The following TBC1D1 variants were observed in gnomAD, a reference collection of about 807,000 sequenced individuals.
TBC1D1 encodes the protein TBC1 (tre-2/USP6, BUB2, cdc16) domain family, member 1.
TBC1D1 carries 89 observed loss-of-function variants against 125.6 expected under a neutral mutation model. The ratio of observed to expected loss-of-function variants is 0.71; its 90% confidence interval spans 0.60 to 0.85. The LOEUF is 0.85. Ranked by LOEUF, TBC1D1 falls within the 40% of genes least tolerant of loss-of-function variation. The probability of loss-of-function intolerance (pLI) is 0.00; values close to 1 mark genes in which losing one functional copy is unlikely to be tolerated. For synonymous variants in TBC1D1, 565 were observed against 564.1 expected, an observed-to-expected ratio of 1.00 and a Z score of -0.02; for missense variants, 1,377 against 1,469.2, an observed-to-expected ratio of 0.94 and a Z score of 1.03.
chr4:38,135,869 T>TAC (rs1275745802), intron 19 of TBC1D1, among the ~76,000 whole-genome samples: 1 of 148,098 alleles, frequency 6.8e-6, no homozygotes, highest in East Asian at 1.9e-4. Context: ...TGTGTGTATA[T>TAC]ATATGTGTGT....
intron 4 of TBC1D1, among the ~76,000 whole-genome samples, chr4:38,019,075 A>G (rs1193031625): frequency 6.6e-6 from 1 of 152,094 alleles, no homozygotes; most frequent in East Asian, 1.9e-4. Context: ...GGTGTTTCAT[A>G]GAGGGATTTT....
chr4:38,028,047 T>C (rs565603468), intron 7 of TBC1D1, among the ~76,000 whole-genome samples, 168 bp downstream of exon 7: 148 of 151,980 alleles, frequency 9.7e-4, no homozygotes, highest in African/African-American at 3.2e-3. Context: ...CTGGGCCACA[T>C]TGGAAGAAGA....
At chr4:38,083,335 G>T (rs1245032817) in intron 12 of TBC1D1, among the ~76,000 whole-genome samples, 3 of 152,154 alleles carry the variant, frequency 2.0e-5, no homozygotes, top group Non-Finnish European at 4.4e-5. Flanking sequence ...ATATTCAGGC[G>T]CATACTATCT....
rs1262383558 is a variant in TBC1D1 at position 38,052,747 on chromosome 4, CACACACACACACACACAG to C, written c.1911-1451_1911-1434del. Among the ~76,000 whole-genome samples, 680 of 149,808 alleles carry C rather than the reference CACACACACACACACACAG, an allele frequency of 4.5e-3. 6 individuals are homozygous for C. The highest frequency in any genetic ancestry group is 0.016 in the African/African-American group (649 of 39,854). ...GCGCGCGCACACACACACACACACA[CACACACACACACACACAG>C]GATAACATCTGTGTTTGATCATGTA... On this transcript the variant is annotated intron_variant, in intron 11 of 19. Transcript: ENST00000261439.
chr4:38,071,828 G>C (rs1430397830), intron 12 of TBC1D1, among the ~76,000 whole-genome samples: 1 of 152,216 alleles, frequency 6.6e-6, no homozygotes, highest in Non-Finnish European at 1.5e-5. Context: ...AGCCTTTTAT[G>C]TTAGAAAAGG....
At chr4:38,008,245 T>TCCTTA (rs1740756664) in intron 2 of TBC1D1, among the ~76,000 whole-genome samples, 1 of 152,272 alleles carries the variant, frequency 6.6e-6, no homozygotes, top group Admixed American at 6.5e-5. Context: ...TAATTTCGTA[T>TCCTTA]CCTTACAGTG....
chr4:38,005,486 C>T (rs527676132), intron 2 of TBC1D1, among the ~76,000 whole-genome samples: 1 of 152,238 alleles, frequency 6.6e-6, no homozygotes, highest in African/African-American at 2.4e-5. Context: ...GTTTTCCTTC[C>T]CTGGTGTTTA....
intron 2 of TBC1D1, among the ~76,000 whole-genome samples, chr4:37,985,471 A>T (rs1331736159): frequency 6.6e-6 from 1 of 152,176 alleles, no homozygotes; most frequent in Non-Finnish European, 1.5e-5. Context: ...TTATAATGGG[A>T]TTAGACTCAC....
intron 14 of TBC1D1, among the ~76,000 whole-genome samples, chr4:38,101,373 C>A (rs1260921176): frequency 6.6e-6 from 1 of 152,214 alleles, no homozygotes; most frequent in Non-Finnish European, 1.5e-5. Flanking sequence ...TGCTCTCCCC[C>A]TTTCCACCTT....
At chr4:37,994,715 T>C (rs969504844) in intron 2 of TBC1D1, among the ~76,000 whole-genome samples, 2 of 152,184 alleles carry the variant, frequency 1.3e-5, no homozygotes, top group African/African-American at 4.8e-5. Flanking sequence ...AAACTTGCCG[T>C]GTGACCTGAT....
intron 15 of TBC1D1, 123 bp downstream of exon 17, chr4:38,103,280 G>C: frequency 1.0e-6 from 1 of 994,120 alleles, no homozygotes; most frequent in Non-Finnish European, 1.5e-6. Context: ...TTACTACTGA[G>C]ACTTTTAATT....
chr4:38,024,560 T>A (rs1164432142), intron 6 of TBC1D1, among the ~76,000 whole-genome samples: 1 of 152,200 alleles, frequency 6.6e-6, no homozygotes, highest in Admixed American at 6.5e-5. Context: ...TCTACTAACA[T>A]GAGAACATTC....
intron 12 of TBC1D1, 124 bp downstream of exon 14, chr4:38,054,462 C>T: frequency 7.9e-7 from 1 of 1,258,042 alleles, no homozygotes; most frequent in Admixed American, 2.2e-5. Context: ...CTGAGGCAAT[C>T]ACAAAGGTAA....
At chr4:38,084,672 C>A (rs536454405) in intron 12 of TBC1D1, among the ~76,000 whole-genome samples, 2 of 151,628 alleles carry the variant, frequency 1.3e-5, no homozygotes, top group East Asian at 3.9e-4. Flanking sequence ...TTTCCAGAAT[C>A]GATTTATGTT....
intron 2 of TBC1D1, among the ~76,000 whole-genome samples, chr4:38,011,405 A>G (rs13132184): frequency 0.16 from 24,483 of 152,016 alleles, 2,511 homozygotes; most frequent in East Asian, 0.44. Flanking sequence ...CCCCAGGTCC[A>G]TTCTGGTAGA....
At chr4:37,982,416 A>G (rs1734514010) in intron 2 of TBC1D1, among the ~76,000 whole-genome samples, 1 of 152,164 alleles carries the variant, frequency 6.6e-6, no homozygotes, top group Non-Finnish European at 1.5e-5. Context: ...CTTGAGTTTA[A>G]TAAGGAGGGG....
intron 19 of TBC1D1, among the ~76,000 whole-genome samples, chr4:38,135,328 C>T (rs986078382): frequency 3.9e-5 from 6 of 152,200 alleles, no homozygotes; most frequent in African/African-American, 1.4e-4. Context: ...AGCAGTACAT[C>T]AGACGATTGC....
intron 6 of TBC1D1, among the ~76,000 whole-genome samples, chr4:38,024,922 A>G (rs1412284132): frequency 6.6e-6 from 1 of 152,202 alleles, no homozygotes; most frequent in Non-Finnish European, 1.5e-5. Context: ...CAGAATCTAT[A>G]AGATAGAATC....
intron 7 of TBC1D1, among the ~76,000 whole-genome samples, chr4:38,028,839 T>G (rs1032452263): frequency 6.6e-6 from 1 of 152,210 alleles, no homozygotes; most frequent in African/African-American, 2.4e-5. Flanking sequence ...GTTTGGTACA[T>G]GAACTTGAAC....
Sources: allele counts gnomAD v4.1 joint callset (sites outside exome capture counted in the v4.1 genomes callset), GRCh38; gene constraint gnomAD v4.1.1; transcripts MANE v1.5; gene names NCBI Gene and HGNC (gene_info 2026-07-23, HGNC 2026-07-21).